Variants in TRPS1 observed in about 807,000 individuals in gnomAD.
TRPS1 encodes zinc finger transcription factor Trps1.
A neutral mutation model predicts 101.2 loss-of-function variants in TRPS1; 6 were observed. The observed-to-expected ratio is 0.06, with a 90% confidence interval of 0.03 to 0.12. The LOEUF is 0.12. TRPS1 is among the 10% of genes least tolerant of loss of function. The probability of loss-of-function intolerance (pLI) is 1.00; values close to 1 mark genes in which losing one functional copy is unlikely to be tolerated. For synonymous variants in TRPS1, 578 were observed against 589.8 expected (o/e 0.98, Z 0.29); for missense variants, 1,363 against 1,567.0 (o/e 0.87, Z 2.20).
chr8:115,638,604 T>G (rs1337595371), intron 1 of TRPS1, among the ~76,000 whole-genome samples: 2 of 152,088 alleles, frequency 1.3e-5, no homozygotes, highest in Admixed American at 1.3e-4. Flanking sequence ...TTTGCCAAAG[T>G]TGGACAGGAT....
chr8:115,558,807 G>A (rs1211139428), intron 5 of TRPS1, among the ~76,000 whole-genome samples: 3 of 152,046 alleles, frequency 2.0e-5, no homozygotes, highest in Admixed American at 6.6e-5. Context: ...AGAAAGCACC[G>A]TGTTAATGAT....
intron 5 of TRPS1, among the ~76,000 whole-genome samples, chr8:115,437,728 C>T (rs1470760261): frequency 6.6e-6 from 1 of 152,070 alleles, no homozygotes; most frequent in Non-Finnish European, 1.5e-5. Flanking sequence ...GTACCATTTC[C>T]AGTACTATGT....
At chr8:115,416,265 T>C (rs1812916646) in intron 6 of TRPS1, among the ~76,000 whole-genome samples, 1 of 151,860 alleles carries the variant, frequency 6.6e-6, no homozygotes, top group Non-Finnish European at 1.5e-5. Context: ...CTTAAATCCA[T>C]GGATAAGACT....
intron 5 of TRPS1, among the ~76,000 whole-genome samples, chr8:115,473,930 AAGG>A (rs1242531352): frequency 5.3e-5 from 8 of 152,272 alleles, no homozygotes; most frequent in African/African-American, 1.9e-4. Context: ...TTTATGCCCT[AAGG>A]AGTTCTTCAG....
intron 1 of TRPS1, among the ~76,000 whole-genome samples, chr8:115,646,949 C>G (rs1819037631): frequency 6.6e-6 from 1 of 152,058 alleles, no homozygotes. Flanking sequence ...GAAAGCAATA[C>G]TAGAAGTTGA....
rs577611114 is a variant in TRPS1 at position 115,436,970 on chromosome 8, A to G, written c.2701-18518T>C. On this transcript the variant is annotated intron_variant, in intron 5 of 6. Coordinates refer to ENST00000395715, the MANE Select transcript of TRPS1 (RefSeq NM_014112.5). Reference sequence around the variant, plus strand: ...ACATTTCATAGATACAGACGTATACATATTTCTTTTCAGTCTTCTACAAGT... The same window carrying G: ...ACATTTCATAGATACAGACGTATACGTATTTCTTTTCAGTCTTCTACAAGT... 3.9e-5 allele frequency among the ~76,000 whole-genome samples: 6 copies of G among 152,310 alleles called. No individual in the cohort carries two copies. In the South Asian group the frequency reaches 1.0e-3, roughly 26 times the overall value.
chr8:115,485,361 C>T (rs1329947831), intron 5 of TRPS1, among the ~76,000 whole-genome samples: 1 of 152,186 alleles, frequency 6.6e-6, no homozygotes, highest in Non-Finnish European at 1.5e-5. Flanking sequence ...AGAACCACGG[C>T]CCAGCTGACA....
intron 5 of TRPS1, among the ~76,000 whole-genome samples, chr8:115,464,955 G>T (rs1008557595): frequency 6.6e-6 from 1 of 151,964 alleles, no homozygotes; most frequent in South Asian, 2.1e-4. Context: ...CAAGTACAAC[G>T]CAATCAAGCA....
intron 1 of TRPS1, among the ~76,000 whole-genome samples, chr8:115,667,632 T>A (rs1461786829): frequency 1.3e-5 from 2 of 152,146 alleles, no homozygotes; most frequent in East Asian, 3.9e-4. Context: ...TGCCACATGG[T>A]ACGGACAGGG....
chr8:115,621,008 A>G (rs1004204505), intron 2 of TRPS1, among the ~76,000 whole-genome samples: 12 of 152,240 alleles, frequency 7.9e-5, no homozygotes, highest in African/African-American at 2.9e-4. Context: ...GTTCACCTTT[A>G]CACATTAGCT....
At chr8:115,432,053 TA>T (rs1813333243) in intron 5 of TRPS1, among the ~76,000 whole-genome samples, 1 of 151,814 alleles carries the variant, frequency 6.6e-6, no homozygotes. Context: ...TTAATATATT[TA>T]AAAAATTCAG....
At chr8:115,621,243 C>T (rs940065311) in intron 2 of TRPS1, among the ~76,000 whole-genome samples, 2 of 152,182 alleles carry the variant, frequency 1.3e-5, no homozygotes, top group Non-Finnish European at 2.9e-5. Flanking sequence ...AAAAAGCTGT[C>T]GAGTGCTGTG....
intron 5 of TRPS1, among the ~76,000 whole-genome samples, chr8:115,490,099 T>G (rs913633116): frequency 5.9e-5 from 9 of 152,128 alleles, no homozygotes; most frequent in African/African-American, 2.2e-4. Flanking sequence ...ATTTTTATAA[T>G]AGATATCAGT....
chr8:115,651,117 A>C (rs2130609611), intron 1 of TRPS1, among the ~76,000 whole-genome samples: 1 of 152,294 alleles, frequency 6.6e-6, no homozygotes, highest in East Asian at 1.9e-4. Flanking sequence ...TTAAGGACAC[A>C]CCATGTATCA....
chr8:115,483,874 G>C (rs1253265888), intron 5 of TRPS1, among the ~76,000 whole-genome samples: 1 of 152,108 alleles, frequency 6.6e-6, no homozygotes, highest in Admixed American at 6.5e-5. Flanking sequence ...AGTAATTTTT[G>C]AAAAGCATAT....
At chr8:115,498,236 G>A (rs1276259176) in intron 5 of TRPS1, among the ~76,000 whole-genome samples, 5 of 151,418 alleles carry the variant, frequency 3.3e-5, no homozygotes, top group Non-Finnish European at 5.9e-5. Flanking sequence ...AAAATTAGCC[G>A]GGCAAAGTGG....
chr8:115,516,684 C>T (rs1443834379), intron 5 of TRPS1, among the ~76,000 whole-genome samples: 1 of 151,496 alleles, frequency 6.6e-6, no homozygotes, highest in Non-Finnish European at 1.5e-5. Context: ...TCATTTGATA[C>T]TCACAGCAAA....
intron 4 of TRPS1, among the ~76,000 whole-genome samples, chr8:115,588,972 A>G (rs922529103): frequency 6.6e-6 from 1 of 152,342 alleles, no homozygotes; most frequent in East Asian, 1.9e-4. Context: ...AAGTACAAAG[A>G]GTGACAGGTG....
chr8:115,412,548 T>C lies in TRPS1; in HGVS notation c.*1475A>G, dbSNP rs565045046. On this transcript the variant is annotated 3_prime_UTR_variant, in exon 7 of 7. Transcript: ENST00000395715. The stretch of plus-strand genomic sequence containing the variant: ...TAATATTTACTAGAAAAATAAGTTT[T>C]TTTTTTCCTATTTGTTCTCCCAACT... The C allele has an allele frequency of 6.5e-6, 1 of 152,676 alleles. No homozygotes were observed. Among genetic ancestry groups the C allele is most frequent in the East Asian group, 1.9e-4 (1 of 5,182 alleles). 9.5% of individuals were successfully genotyped at this position (152,676 alleles called of 1,614,324 possible). A position where few individuals can be genotyped will look rare whatever the true frequency, so the allele number is the denominator to read the frequency against.
Sources: gnomAD v4.1 joint callset for allele counts (sites outside exome capture counted in the v4.1 genomes callset) on GRCh38, gnomAD v4.1.1 for gene constraint, MANE v1.5 for transcripts, NCBI Gene and HGNC (gene_info 2026-07-23, HGNC 2026-07-21) for gene names.